The following SYNDIG1 variants were observed in gnomAD, a reference collection of about 807,000 sequenced individuals.
SYNDIG1 encodes the protein synapse differentiation-inducing gene protein 1.
A neutral mutation model predicts 19.4 loss-of-function variants in SYNDIG1; 9 were observed. That is an observed-to-expected ratio of 0.46 (90% confidence interval 0.28 to 0.81). SYNDIG1 has a LOEUF of 0.81. Among genes scored for constraint, SYNDIG1 ranks in the 30% least tolerant of loss-of-function variants. SYNDIG1 has a pLI of 0.12. For synonymous variants in SYNDIG1, 141 were observed against 145.9 expected, an observed-to-expected ratio of 0.97 and a Z score of 0.24; for missense variants, 311 against 343.3, an observed-to-expected ratio of 0.91 and a Z score of 0.74.
chr20:24,503,298 A>G (rs1048994242), intron 1 of SYNDIG1, among the ~76,000 whole-genome samples: 6 of 152,220 alleles, frequency 3.9e-5, no homozygotes, highest in African/African-American at 1.4e-4. Flanking sequence ...CAATATAACC[A>G]GCTAACTAAA....
chr20:24,654,294 G>A (rs1205714263), intron 3 of SYNDIG1, among the ~76,000 whole-genome samples: 2 of 152,028 alleles, frequency 1.3e-5, no homozygotes, highest in African/African-American at 2.4e-5. Flanking sequence ...GAGGGTCAGG[G>A]GAAGGATTCT....
At position 24,501,719 on chromosome 20, in the gene SYNDIG1, C is replaced by T. The variant is rs192965182; in HGVS notation, c.-79+31966C>T. On this transcript the variant is annotated intron_variant, in intron 1 of 3. Coordinates refer to ENST00000376862, the MANE Select transcript of SYNDIG1 (RefSeq NM_024893.3). ...TACGTATTTCATGGTAAGCTTAGTC[C>T]CTGTGCTTCCGATATTATTCATCTG... 1.9e-4 allele frequency among the ~76,000 whole-genome samples: 29 copies of T among 152,294 alleles called. No homozygotes were observed. In the Middle Eastern group the frequency reaches 0.014, roughly 71 times the overall value.
At chr20:24,520,079 C>T (rs984361646) in intron 1 of SYNDIG1, among the ~76,000 whole-genome samples, 1 of 152,104 alleles carries the variant, frequency 6.6e-6, no homozygotes, top group Non-Finnish European at 1.5e-5. Context: ...AACAGTGATG[C>T]ACCTCGCAGT....
chr20:24,561,414 C>T (rs371642491), intron 2 of SYNDIG1, among the ~76,000 whole-genome samples: 4 of 152,314 alleles, frequency 2.6e-5, no homozygotes, highest in South Asian at 2.1e-4. Flanking sequence ...GAAGCACCTC[C>T]ACCAGTAGCT....
chr20:24,478,911 C>T (rs1050426494), intron 1 of SYNDIG1, among the ~76,000 whole-genome samples: 17 of 152,222 alleles, frequency 1.1e-4, no homozygotes, highest in African/African-American at 3.9e-4. Flanking sequence ...TTGAACTCCG[C>T]AGGACAGCAG....
intron 1 of SYNDIG1, among the ~76,000 whole-genome samples, chr20:24,533,542 G>A (rs1325664869): frequency 6.6e-6 from 1 of 152,108 alleles, no homozygotes; most frequent in Non-Finnish European, 1.5e-5. Flanking sequence ...TGAGAATTTG[G>A]GAGAGGAGGG....
intron 3 of SYNDIG1, among the ~76,000 whole-genome samples, chr20:24,599,104 A>AAT (rs1332524048): frequency 6.6e-6 from 1 of 152,222 alleles, no homozygotes; most frequent in Non-Finnish European, 1.5e-5. Context: ...ACAAGGGATT[A>AAT]ATATCCAGAA....
intron 2 of SYNDIG1, among the ~76,000 whole-genome samples, chr20:24,565,690 C>G (rs934307357): frequency 6.6e-6 from 1 of 152,166 alleles, no homozygotes; most frequent in Admixed American, 6.5e-5. Context: ...GCAGATCACC[C>G]GACAGCTCAA....
At chr20:24,615,700 G>A (rs941611708) in intron 3 of SYNDIG1, among the ~76,000 whole-genome samples, 6 of 152,184 alleles carry the variant, frequency 3.9e-5, no homozygotes, top group South Asian at 2.1e-4. Context: ...CGAAACAGGC[G>A]CCCAATGGAA....
At chr20:24,579,090 A>C (rs2058280244) in intron 2 of SYNDIG1, among the ~76,000 whole-genome samples, 1 of 152,244 alleles carries the variant, frequency 6.6e-6, no homozygotes, top group South Asian at 2.1e-4. Context: ...AGTAACATTT[A>C]ACATCAAGAG....
intron 1 of SYNDIG1, among the ~76,000 whole-genome samples, chr20:24,525,286 C>CTTTTTTTTTTTTTTTT (rs11471122): frequency 9.4e-6 from 1 of 106,554 alleles, no homozygotes. Context: ...TCTTCTTCTT[C>CTTTTTTTTTTTTTTTT]TTTTTTTTTT....
At chr20:24,497,549 T>C (rs751811851) in intron 1 of SYNDIG1, among the ~76,000 whole-genome samples, 4 of 152,212 alleles carry the variant, frequency 2.6e-5, no homozygotes, top group African/African-American at 4.8e-5. Flanking sequence ...AATGGGCTTC[T>C]TAGATTTCAG....
At chr20:24,555,856 T>A (rs2057803536) in intron 2 of SYNDIG1, among the ~76,000 whole-genome samples, 1 of 152,182 alleles carries the variant, frequency 6.6e-6, no homozygotes, top group African/African-American at 2.4e-5. Context: ...TTCCTGGGTA[T>A]CCTTGTTAAA....
intron 1 of SYNDIG1, among the ~76,000 whole-genome samples, chr20:24,522,418 C>T (rs1339112715): frequency 1.3e-5 from 2 of 152,182 alleles, no homozygotes; most frequent in African/African-American, 4.8e-5. Context: ...GATCCGTTAG[C>T]TTTAAATTCT....
At chr20:24,590,051 T>A (rs561141581) in intron 3 of SYNDIG1, among the ~76,000 whole-genome samples, 1 of 152,352 alleles carries the variant, frequency 6.6e-6, no homozygotes, top group East Asian at 1.9e-4. Flanking sequence ...TCAGCTTTAC[T>A]TTTCTCCGTT....
rs183043527 is a variant in SYNDIG1 at position 24,554,317 on chromosome 20, C to T, written c.480+10740C>T. On this transcript the variant is annotated intron_variant, in intron 2 of 3. Transcript: ENST00000376862. ...CTTATTTCCTTCTCCTGCCTAATTG[C>T]CCTGGCCAGTACTTCCAACACTATG... is the stretch of plus-strand genomic sequence containing the variant. Among the ~76,000 whole-genome samples the T allele has an allele frequency of 2.8e-4, 43 of 152,292 alleles. 1 individual carries two copies. The East Asian group carries it at 7.9e-3, about 28-fold the overall frequency.
intron 3 of SYNDIG1, among the ~76,000 whole-genome samples, chr20:24,644,173 T>G (rs181507996): frequency 5.7e-4 from 87 of 152,334 alleles, no homozygotes; most frequent in African/African-American, 2.0e-3. Flanking sequence ...TATGAGCAAA[T>G]TGGTCTGCTC....
At position 24,628,248 on chromosome 20, in the gene SYNDIG1, C is replaced by G. The variant is rs565519664; in HGVS notation, c.619-37098C>G. Among the ~76,000 whole-genome samples, 14 of 152,282 alleles carry G rather than the reference C, an allele frequency of 9.2e-5. No homozygotes were observed. The South Asian group carries it at 2.9e-3, about 32-fold the overall frequency. The stretch of plus-strand genomic sequence containing the variant: ...TCTGGCACTGCCAGAGCCTGCGTGC[C>G]GTTAAGTCGACACTCTTCTGAAGGG... On this transcript the variant is annotated intron_variant, in intron 3 of 3. Transcript: ENST00000376862.
intron 3 of SYNDIG1, among the ~76,000 whole-genome samples, chr20:24,616,266 A>G (rs2058930615): frequency 6.6e-6 from 1 of 152,136 alleles, no homozygotes; most frequent in African/African-American, 2.4e-5. Flanking sequence ...CTATTCCGAG[A>G]CAGGGGCTGT....
Sources: gnomAD v4.1 joint callset for allele counts (sites outside exome capture counted in the v4.1 genomes callset) on GRCh38, gnomAD v4.1.1 for gene constraint, MANE v1.5 for transcripts, NCBI Gene and HGNC (gene_info 2026-07-23, HGNC 2026-07-21) for gene names.